Variants in RAB3C observed in about 807,000 individuals in gnomAD.
RAB3C encodes the protein ras-related protein Rab-3C.
Under a neutral mutation model 26.4 loss-of-function variants are expected in RAB3C, and 17 were observed. That is an observed-to-expected ratio of 0.64 (90% CI 0.44 to 0.97). The LOEUF (loss-of-function observed/expected upper bound fraction) is 0.97, where lower values mean the gene tolerates loss of function less well. RAB3C is among the 50% of genes least tolerant of loss of function. The pLI is 0.00. For synonymous variants in RAB3C, 91 were observed against 95.9 expected (o/e 0.95, Z 0.30); for missense variants, 242 against 281.9 (o/e 0.86, Z 1.01).
chr5:58,759,044 G>T (rs567450467), intron 3 of RAB3C, among the ~76,000 whole-genome samples: 1 of 152,024 alleles, frequency 6.6e-6, no homozygotes, highest in Non-Finnish European at 1.5e-5. Context: ...AAATCAAACC[G>T]CTTTATACTA....
intron 2 of RAB3C, among the ~76,000 whole-genome samples, chr5:58,633,376 A>G (rs1022671280): frequency 3.9e-5 from 6 of 152,198 alleles, no homozygotes; most frequent in African/African-American, 1.2e-4. Flanking sequence ...AAACTAGACT[A>G]TAGGAAGGAA....
At chr5:58,624,343 T>C in intron 2 of RAB3C, among the ~76,000 whole-genome samples, 1 of 152,102 alleles carries the variant, frequency 6.6e-6, no homozygotes, top group East Asian at 1.9e-4. Context: ...GGAAGCCTAT[T>C]TTAGGTGATC....
chr5:58,694,627 T>A (rs1370182516), intron 2 of RAB3C, among the ~76,000 whole-genome samples: 4 of 152,228 alleles, frequency 2.6e-5, no homozygotes. Flanking sequence ...ATTGCCATTC[T>A]AACTGGCGTG....
At chr5:58,757,740 G>A (rs1202714015) in intron 3 of RAB3C, among the ~76,000 whole-genome samples, 4 of 152,138 alleles carry the variant, frequency 2.6e-5, no homozygotes, top group Admixed American at 6.5e-5. Context: ...AAACATGCTA[G>A]TATCTAGTTT....
At chr5:58,732,164 A>G (rs775775512) in intron 3 of RAB3C, among the ~76,000 whole-genome samples, 21 of 150,938 alleles carry the variant, frequency 1.4e-4, no homozygotes, top group Non-Finnish European at 2.9e-4. Context: ...GGTTAGTTAC[A>G]TATGTATACA....
chr5:58,859,320 A>G lies in RAB3C; in HGVS notation c.*7969A>G, dbSNP rs1744332257. The G allele has an allele frequency of 6.6e-6, 1 of 152,220 alleles. No individual in the cohort carries two copies. 9.4% of individuals were successfully genotyped at this position (152,220 alleles called of 1,614,324 possible). ...AGTTTGTATGTGAATTCTATAAAGA[A>G]AGTGGTTTTTGTTCTTTGAGTTTGT... is the stretch of plus-strand genomic sequence containing the variant. On this transcript the variant is annotated 3_prime_UTR_variant, in exon 5 of 5. Coordinates refer to ENST00000282878, the MANE Select transcript of RAB3C (RefSeq NM_138453.4).
intron 4 of RAB3C, among the ~76,000 whole-genome samples, chr5:58,843,986 C>G (rs945184595): frequency 3.9e-5 from 6 of 152,098 alleles, no homozygotes; most frequent in Non-Finnish European, 8.8e-5. Context: ...TTAAAAAAAA[C>G]CTTTTAATTA....
At chr5:58,747,979 T>G (rs1458763527) in intron 3 of RAB3C, among the ~76,000 whole-genome samples, 1 of 152,100 alleles carries the variant, frequency 6.6e-6, no homozygotes, top group Non-Finnish European at 1.5e-5. Context: ...AAAAAGAGTC[T>G]ATGCTGTTGC....
chr5:58,845,612 A>ATATATATATATGTGTGTGTGTG lies in RAB3C; in HGVS notation c.497-5551_497-5550insATATATATATGTGTGTGTGTGT. Among the ~76,000 whole-genome samples, 771 of 81,458 alleles carry ATATATATATATGTGTGTGTGTG rather than the reference A, an allele frequency of 9.5e-3. 11 individuals are homozygous for ATATATATATATGTGTGTGTGTG. The highest frequency in any genetic ancestry group is 0.012 in the Non-Finnish European group (508 of 41,156). The allele number at this position is 81,458 out of a possible 152,430, so 53.4% of individuals were successfully genotyped here. On this transcript the variant is annotated intron_variant, in intron 4 of 4. Transcript: ENST00000282878. ...ATTCTTACTATATATATATATATAT[A>ATATATATATATGTGTGTGTGTG]TGTGTGTGTGTGTGTGTGTATATGT...
At chr5:58,801,593 G>A (rs1370164700) in intron 3 of RAB3C, among the ~76,000 whole-genome samples, 1 of 152,246 alleles carries the variant, frequency 6.6e-6, no homozygotes, top group African/African-American at 2.4e-5. Context: ...TTATGGATAA[G>A]TATGAAAATT....
intron 1 of RAB3C, among the ~76,000 whole-genome samples, chr5:58,606,492 C>T (rs534975257): frequency 6.6e-6 from 1 of 152,234 alleles, no homozygotes; most frequent in Non-Finnish European, 1.5e-5. Flanking sequence ...GCAGCAGAAA[C>T]TTCTGCAGAC....
intron 3 of RAB3C, among the ~76,000 whole-genome samples, chr5:58,760,285 A>C (rs1432860515): frequency 6.6e-6 from 1 of 152,190 alleles, no homozygotes; most frequent in African/African-American, 2.4e-5. Context: ...AAGTCATGAA[A>C]GTTTTGGAAT....
intron 4 of RAB3C, among the ~76,000 whole-genome samples, chr5:58,831,635 C>A (rs375333381): frequency 6.9e-4 from 105 of 152,172 alleles, no homozygotes; most frequent in African/African-American, 2.0e-3. Context: ...AACTAAAAAC[C>A]AAGGTGTTAG....
chr5:58,599,377 T>C (rs898546950), intron 1 of RAB3C, among the ~76,000 whole-genome samples: 1 of 152,188 alleles, frequency 6.6e-6, no homozygotes, highest in African/African-American at 2.4e-5. Context: ...GCTTCAGGAC[T>C]ACATCTGAAT....
At chr5:58,657,020 G>A (rs555460290) in intron 2 of RAB3C, among the ~76,000 whole-genome samples, 4 of 58,252 alleles carry the variant, frequency 6.9e-5, no homozygotes, top group Non-Finnish European at 1.4e-4. Flanking sequence ...TAAAGAAACT[G>A]TGGTATATTT....
At chr5:58,582,452 A>G, upstream of RAB3C, 1 of 984,156 alleles carries the variant, frequency 1.0e-6, no homozygotes, top group Admixed American at 6.1e-5. Flanking sequence ...GTGCTTAGCC[A>G]GAAATCTCGC....
rs1206716376 is a variant in RAB3C at position 58,797,339 on chromosome 5, CAAA to C, written c.372-27686_372-27684del. 8.4e-3 allele frequency among the ~76,000 whole-genome samples: 107 copies of C among 12,750 alleles called. 3 individuals carry two copies. Among genetic ancestry groups the C allele is most frequent in the Admixed American group, 0.041 (45 of 1,090 alleles). 8.4% of individuals were successfully genotyped at this position (12,750 alleles called of 152,430 possible). ...CAAGGATATCAGACTCCCTGGAAGA[CAAA>C]AAAAAAAAAAAATATGTATATATAT... On this transcript the variant is annotated intron_variant, in intron 3 of 4. Transcript: ENST00000282878.
intron 4 of RAB3C, among the ~76,000 whole-genome samples, chr5:58,844,066 A>G (rs1229350284): frequency 6.6e-6 from 1 of 152,226 alleles, no homozygotes; most frequent in East Asian, 1.9e-4. Context: ...GGAGAAGCAC[A>G]GTGGAATGTA....
intron 3 of RAB3C, among the ~76,000 whole-genome samples, chr5:58,796,280 A>T (rs1485327552): frequency 6.6e-6 from 1 of 152,198 alleles, no homozygotes; most frequent in East Asian, 1.9e-4. Flanking sequence ...GGTTACAGAA[A>T]CACGGTATGT....
Sources: gnomAD v4.1 joint callset for allele counts (sites outside exome capture counted in the v4.1 genomes callset) on GRCh38, gnomAD v4.1.1 for gene constraint, MANE v1.5 for transcripts, NCBI Gene and HGNC (gene_info 2026-07-23, HGNC 2026-07-21) for gene names.